The following NEDD4L variants were observed in gnomAD, a reference collection of about 807,000 sequenced individuals.
NEDD4L encodes the protein E3 ubiquitin-protein ligase NEDD4-like.
A neutral mutation model predicts 148.9 loss-of-function variants in NEDD4L; 54 were observed. That is an observed-to-expected ratio of 0.36 (90% CI 0.29 to 0.45). The LOEUF (loss-of-function observed/expected upper bound fraction) is 0.45, where lower values mean the gene tolerates loss of function less well. Ranked by LOEUF, NEDD4L falls within the 20% of genes least tolerant of loss-of-function variation. The pLI, the probability that NEDD4L is intolerant of heterozygous loss-of-function variation, is 1.00. For synonymous variants in NEDD4L, 433 were observed against 440.7 expected (o/e 0.98, Z 0.22); for missense variants, 856 against 1,233.8 (o/e 0.69, Z 4.59).
chr18:58,080,533 T>G (rs1281571230), intron 1 of NEDD4L, among the ~76,000 whole-genome samples: 1 of 152,214 alleles, frequency 6.6e-6, no homozygotes, highest in Non-Finnish European at 1.5e-5. Flanking sequence ...GATCATTTGT[T>G]GGAAGAACTG....
chr18:58,299,431 G>T (rs9952515), intron 5 of NEDD4L, among the ~76,000 whole-genome samples: 2 of 152,188 alleles, frequency 1.3e-5, no homozygotes, highest in South Asian at 2.1e-4. Context: ...AGACAACAAC[G>T]TATTTCTTTG....
chr18:58,331,229 C>T (rs1601345714), intron 11 of NEDD4L, among the ~76,000 whole-genome samples: 1 of 152,300 alleles, frequency 6.6e-6, no homozygotes, highest in East Asian at 1.9e-4. Context: ...TGTAGAATTC[C>T]TTTCCCAGCC....
chr18:58,348,535 G>T (rs1317120743), intron 16 of NEDD4L, among the ~76,000 whole-genome samples: 4 of 151,586 alleles, frequency 2.6e-5, no homozygotes, highest in African/African-American at 9.7e-5. Context: ...CACCATGTTG[G>T]CCAGGCTGGT....
chr18:58,131,721 GGGT>G (rs1278324052), intron 1 of NEDD4L, among the ~76,000 whole-genome samples: 2 of 151,916 alleles, frequency 1.3e-5, no homozygotes, highest in African/African-American at 4.8e-5. Context: ...GGCTCTGTTG[GGGT>G]TTGGTTGTGA....
intron 2 of NEDD4L, among the ~76,000 whole-genome samples, chr18:58,172,044 C>T (rs929590277): frequency 3.9e-5 from 6 of 152,002 alleles, no homozygotes; most frequent in African/African-American, 1.5e-4. Flanking sequence ...TACATGAGGC[C>T]CAGCTGGGAT....
chr18:58,195,888 A>G (rs2040631017), intron 2 of NEDD4L, among the ~76,000 whole-genome samples: 1 of 152,202 alleles, frequency 6.6e-6, no homozygotes, highest in Non-Finnish European at 1.5e-5. Flanking sequence ...TAAAATGTCC[A>G]TTAGACATTT....
Position 58,085,395 on chromosome 18 carries a change from TG to T in NEDD4L, c.48+40688del, listed in dbSNP as rs2083707399. On this transcript the variant is annotated intron_variant, in intron 1 of 30. Coordinates refer to ENST00000400345, the MANE Select transcript of NEDD4L (RefSeq NM_001144967.3). Reference sequence around the variant, plus strand: ...AGCGTAGGGGGGTCATTCTGGGGGCTGAACCGAGGGTGACACTGTAAAACCA... The same window carrying T: ...AGCGTAGGGGGGTCATTCTGGGGGCTAACCGAGGGTGACACTGTAAAACCA... 2.0e-5 allele frequency among the ~76,000 whole-genome samples: 3 copies of T among 152,266 alleles called. No individual in the cohort carries two copies. In the South Asian group the frequency reaches 6.2e-4, roughly 32 times the overall value.
At chr18:58,224,166 C>T (rs1029469373) in intron 2 of NEDD4L, among the ~76,000 whole-genome samples, 2 of 152,234 alleles carry the variant, frequency 1.3e-5, no homozygotes, top group African/African-American at 4.8e-5. Context: ...GTTCACTTCA[C>T]GATTACTCAT....
Position 58,387,425 on chromosome 18 carries a change from T to A in NEDD4L, c.2488-14T>A. ...GGCAATAGGTGTTTAAGATGTTTTT[T>A]TTTTTTCTTTCAGGGATTCACAGAA... On this transcript the variant is annotated splice_polypyrimidine_tract_variant and intron_variant, in intron 26 of 30. Transcript: ENST00000400345. The A allele has an allele frequency of 6.6e-7, 1 of 1,525,586 alleles. No individual in the cohort carries two copies. The highest frequency in any genetic ancestry group is 8.7e-7 in the Non-Finnish European group (1 of 1,144,010). 94.5% of individuals were successfully genotyped at this position (1,525,586 alleles called of 1,614,324 possible).
At chr18:58,176,283 T>TC (rs2038139040) in intron 2 of NEDD4L, among the ~76,000 whole-genome samples, 3 of 151,906 alleles carry the variant, frequency 2.0e-5, no homozygotes, top group African/African-American at 7.3e-5. Context: ...GTCCTCTCTC[T>TC]CTCCTCCTCC....
intron 1 of NEDD4L, among the ~76,000 whole-genome samples, chr18:58,059,393 T>TC (rs150095560): frequency 0.018 from 2,700 of 152,046 alleles, 70 homozygotes; most frequent in African/African-American, 0.062. Flanking sequence ...ATACCATATT[T>TC]CCCCCCCAGA....
chr18:58,382,653 C>A (rs967791911), intron 24 of NEDD4L, among the ~76,000 whole-genome samples: 1 of 152,126 alleles, frequency 6.6e-6, no homozygotes, highest in Admixed American at 6.5e-5. Flanking sequence ...ATTGCAGCTG[C>A]TTTTTTCATG....
chr18:58,383,288 G>T lies in NEDD4L; in HGVS notation c.2395G>T (p.Val799Phe). The change falls in exon 25 of 31, where the codon GTC (valine) becomes TTC (phenylalanine). Residue 799 changes from valine (V) to phenylalanine (F), a missense_variant. Val to Phe is a conservative substitution (Grantham distance 50). Transcript: ENST00000400345. ...GAAGCCCAATGGGTCAGAAATAATG[G>T]TCACAAATGAAAACAAAAGGGAATA... Reference protein sequence around the residue: ...DLKPNGSEIMVTNENKREYID... With the variant: ...DLKPNGSEIMFTNENKREYID... The T allele has an allele frequency of 6.5e-7, 1 of 1,542,930 alleles. No homozygotes were observed. Among genetic ancestry groups the T allele is most frequent in the Non-Finnish European group, 8.8e-7 (1 of 1,138,018 alleles).
intron 2 of NEDD4L, among the ~76,000 whole-genome samples, chr18:58,182,509 C>CTTTTTT (rs568506761): frequency 9.9e-5 from 11 of 111,450 alleles, no homozygotes; most frequent in East Asian, 2.7e-4. Context: ...GCATTGATAC[C>CTTTTTT]TTTTTTTTTT....
intron 5 of NEDD4L, among the ~76,000 whole-genome samples, chr18:58,281,529 C>A (rs1207853764): frequency 6.6e-6 from 1 of 152,078 alleles, no homozygotes; most frequent in African/African-American, 2.4e-5. Flanking sequence ...GTTATAAAGT[C>A]TCTTAATTAT....
At chr18:58,344,269 A>G (rs994063331) in intron 16 of NEDD4L, among the ~76,000 whole-genome samples, 3 of 152,216 alleles carry the variant, frequency 2.0e-5, no homozygotes, top group Admixed American at 6.5e-5. Flanking sequence ...GTATCAGTTC[A>G]GTCCAGCAGG....
At position 58,366,936 on chromosome 18, in the gene NEDD4L, G is replaced by A. The variant is rs546822860; in HGVS notation, c.2063+708G>A. Among the ~76,000 whole-genome samples the A allele has an allele frequency of 1.3e-5, 2 of 152,334 alleles. No individual in the cohort carries two copies. Among genetic ancestry groups the A allele is most frequent in the South Asian group, 4.1e-4 (2 of 4,824 alleles). On this transcript the variant is annotated intron_variant, in intron 21 of 30. Transcript: ENST00000400345. The surrounding 1 kb of genome is among the most constrained non-coding windows in gnomAD (Gnocchi z 4.2). Reference sequence around the variant, plus strand: ...ATCTCCCACCTGGTACCAGTCTCCTGGGGGCTCATTTGGAAGGCCGCCTCA... The same window carrying A: ...ATCTCCCACCTGGTACCAGTCTCCTAGGGGCTCATTTGGAAGGCCGCCTCA...
intron 2 of NEDD4L, among the ~76,000 whole-genome samples, chr18:58,205,532 GAGA>G (rs2041897439): frequency 6.6e-6 from 1 of 151,924 alleles, no homozygotes; most frequent in Non-Finnish European, 1.5e-5. Context: ...TTGGCAGGGA[GAGA>G]AGGAGGGAGG....
intron 2 of NEDD4L, among the ~76,000 whole-genome samples, chr18:58,187,596 C>T (rs989799058): frequency 4.0e-4 from 60 of 151,540 alleles, no homozygotes; most frequent in Admixed American, 1.5e-3. Flanking sequence ...TTTTTGTTTC[C>T]CTTCTCTTCA....
Sources: gnomAD v4.1 joint callset for allele counts (sites outside exome capture counted in the v4.1 genomes callset) on GRCh38, gnomAD v4.1.1 for gene constraint, Gnocchi (gnomAD v3.1) non-coding constraint, MANE v1.5 for transcripts, NCBI Gene and HGNC (gene_info 2026-07-23, HGNC 2026-07-21) for gene names.